TLN2: variants seen among roughly 807,000 people sequenced by gnomAD.
TLN2 encodes talin-2.
Under a neutral mutation model 294.7 loss-of-function variants are expected in TLN2, and 118 were observed. The observed-to-expected ratio is 0.40, with a 90% CI of 0.34 to 0.47. The LOEUF is 0.47. Among genes scored for constraint, TLN2 ranks in the 20% least tolerant of loss-of-function variants. TLN2 has a pLI of 0.84. For missense variants in TLN2, 3,083 were observed against 3,282.2 expected, an observed-to-expected ratio of 0.94 and a Z score of 1.48; for synonymous variants, 1,431 against 1,304.5, an observed-to-expected ratio of 1.10 and a Z score of -2.09.
intron 1 of TLN2, among the ~76,000 whole-genome samples, chr15:62,396,947 C>T (rs571730677): frequency 6.6e-6 from 1 of 152,144 alleles, no homozygotes; most frequent in African/African-American, 2.4e-5. Context: ...TCAGGCAGTC[C>T]ACCTTCCTCG....
rs927133571 is a variant in TLN2, at chr15:62,559,881, C to A, written c.-237-29806C>A. On this transcript the variant is annotated intron_variant, in intron 1 of 58. Coordinates refer to ENST00000636159, the MANE Select transcript of TLN2 (RefSeq NM_015059.3). ...CAAGGTCATTATTACCTCCCAGTTT[C>A]CAGTAACCTTCTGTGGCTGTCCTAA... 2.6e-5 allele frequency among the ~76,000 whole-genome samples: 4 copies of A among 152,202 alleles called. No homozygotes were observed. The East Asian group carries it at 7.7e-4, about 29-fold the overall frequency.
rs4775518 is a variant in TLN2, at chr15:62,608,953, A to T, written c.-161-9398A>T. On this transcript the variant is annotated intron_variant, in intron 2 of 58. Coordinates refer to ENST00000636159, the MANE Select transcript of TLN2 (RefSeq NM_015059.3). ...GAGGAGGGATAAGATGGGTAATAGG[A>T]GGTCTGTTTGGGTAGAGAATTCCCG... Among the ~76,000 whole-genome samples the T allele has an allele frequency of 6.6e-5, 10 of 151,666 alleles. No individual in the cohort carries two copies. In the East Asian group the frequency reaches 1.8e-3, roughly 27 times the overall value.
intron 1 of TLN2, among the ~76,000 whole-genome samples, chr15:62,479,750 T>C (rs1056272027): frequency 2.6e-5 from 4 of 152,202 alleles, no homozygotes; most frequent in African/African-American, 7.2e-5. Flanking sequence ...CCTCCCAAAG[T>C]GCTGGGATTA....
chr15:62,482,715 A>G (rs1458403226), intron 1 of TLN2, among the ~76,000 whole-genome samples: 1 of 151,684 alleles, frequency 6.6e-6, no homozygotes, highest in Non-Finnish European at 1.5e-5. Context: ...TAAAAGCAAA[A>G]TAAATACAAA....
intron 2 of TLN2, among the ~76,000 whole-genome samples, chr15:62,601,101 G>A (rs369939164): frequency 4.6e-5 from 7 of 152,216 alleles, no homozygotes; most frequent in African/African-American, 1.7e-4. Flanking sequence ...TGTTGATGAA[G>A]CTGGGTTGTT....
intron 52 of TLN2, among the ~76,000 whole-genome samples, chr15:62,814,657 T>G (rs532021977): frequency 1.3e-5 from 2 of 152,354 alleles, no homozygotes; most frequent in East Asian, 3.9e-4. Context: ...ATTAAAAATA[T>G]AGGCCGAAAA....
intron 45 of TLN2, among the ~76,000 whole-genome samples, chr15:62,791,054 C>T (rs892540455): frequency 2.0e-5 from 3 of 152,258 alleles, no homozygotes; most frequent in East Asian, 3.9e-4. Context: ...CTTGGCTGGG[C>T]CTGGTGGCTC....
chr15:62,470,044 A>G (rs1289267738), intron 1 of TLN2, among the ~76,000 whole-genome samples: 9 of 152,190 alleles, frequency 5.9e-5, no homozygotes, highest in Non-Finnish European at 1.3e-4. Flanking sequence ...TAGGGAAACC[A>G]TTGCTAAGAG....
chr15:62,438,438 T>C (rs1285102724), intron 1 of TLN2, among the ~76,000 whole-genome samples: 1 of 152,216 alleles, frequency 6.6e-6, no homozygotes, highest in Non-Finnish European at 1.5e-5. Flanking sequence ...TAGATGGAAG[T>C]GCACCTTTAT....
Position 62,652,064 on chromosome 15 carries a change from TG to T in TLN2, c.295del (p.Val99Ter). 6.2e-7 allele frequency: 1 copy of T among 1,612,098 alleles called. No homozygotes were observed. Reference sequence around the variant, plus strand: ...AGAAAATCCGGATGCTGGATGGATCTGTGAAGACAGTGATGGTGGATGATTC... The same window carrying T: ...AGAAAATCCGGATGCTGGATGGATCTTGAAGACAGTGATGGTGGATGATTC... ...PQKIRMLDGS[V>X]KTVMVDDSKT... On this transcript the variant is annotated frameshift_variant, in exon 6 of 59. Coordinates refer to ENST00000636159, the MANE Select transcript of TLN2 (RefSeq NM_015059.3). LOFTEE classifies it high-confidence loss of function.
At chr15:62,766,454 G>A (rs1595919778) in intron 41 of TLN2, 32 bp downstream of exon 41, 3 of 1,576,730 alleles carry the variant, frequency 1.9e-6, no homozygotes, top group Non-Finnish European at 2.6e-6. Context: ...CTGCGAGGGT[G>A]TGCGTGTTAT....
chr15:62,533,770 G>T (rs12909932), intron 1 of TLN2, among the ~76,000 whole-genome samples: 1 of 152,160 alleles, frequency 6.6e-6, no homozygotes, highest in Non-Finnish European at 1.5e-5. Flanking sequence ...TTTGGCTAAG[G>T]AGAGAAGTTG....
chr15:62,446,850 C>A (rs1411791876), intron 1 of TLN2, among the ~76,000 whole-genome samples: 1 of 152,158 alleles, frequency 6.6e-6, no homozygotes, highest in African/African-American at 2.4e-5. Context: ...TGTAAATACA[C>A]ACAGAGCTAA....
intron 1 of TLN2, among the ~76,000 whole-genome samples, chr15:62,564,713 C>T (rs962258610): frequency 2.0e-5 from 3 of 151,854 alleles, no homozygotes; most frequent in African/African-American, 7.3e-5. Context: ...TCGAGACCAG[C>T]CTGGCCAACA....
intron 55 of TLN2, chr15:62,835,483 G>T: frequency 1.8e-6 from 1 of 562,008 alleles, no homozygotes; most frequent in Non-Finnish European, 3.2e-6. Context: ...GCAGTACCTG[G>T]AAGCTAAGTG....
At position 62,800,342 on chromosome 15, in the gene TLN2, C is replaced by A. The variant is rs773653837; in HGVS notation, c.6235-26C>A. ...CACAGCTGACATCTTGACGCCTGCT[C>A]ACCTGAGTTCTGTGCTCTCTTTCAG... On this transcript the variant is annotated intron_variant, in intron 48 of 58. Coordinates refer to ENST00000636159, the MANE Select transcript of TLN2 (RefSeq NM_015059.3). 6.2e-6 allele frequency: 10 copies of A among 1,609,542 alleles called. No homozygotes were observed. In the East Asian group the frequency reaches 2.2e-4, roughly 36 times the overall value.
intron 24 of TLN2, among the ~76,000 whole-genome samples, chr15:62,719,165 C>G (rs1212423106): frequency 6.6e-6 from 1 of 152,164 alleles, no homozygotes; most frequent in South Asian, 2.1e-4. Flanking sequence ...TCTCCCAAGG[C>G]ACACTGTAGG....
At chr15:62,640,017 T>C (rs1165493495) in intron 3 of TLN2, 1 of 392,984 alleles carries the variant, frequency 2.5e-6, no homozygotes, top group Non-Finnish European at 5.1e-6. Flanking sequence ...GCCTGCTCAG[T>C]GCCTGGAGTC....
At chr15:62,804,145 C>T (rs1284881973) in intron 50 of TLN2, among the ~76,000 whole-genome samples, 1 of 152,174 alleles carries the variant, frequency 6.6e-6, no homozygotes, top group Non-Finnish European at 1.5e-5. Context: ...TGCTGAGCCT[C>T]CTGAAGCTAG....
Sources: allele counts gnomAD v4.1 joint callset (sites outside exome capture counted in the v4.1 genomes callset), GRCh38; gene constraint gnomAD v4.1.1; transcripts MANE v1.5; gene names NCBI Gene and HGNC (gene_info 2026-07-23, HGNC 2026-07-21).